PTPRT: variants seen among roughly 807,000 people sequenced by gnomAD.
PTPRT encodes receptor-type tyrosine-protein phosphatase T.
PTPRT carries 56 observed loss-of-function variants against 176.8 expected under a neutral mutation model. The ratio of observed to expected loss-of-function variants is 0.32; its 90% CI spans 0.26 to 0.40. PTPRT has a LOEUF of 0.40. Ranked by LOEUF, PTPRT falls within the 10% of genes least tolerant of loss-of-function variation. The probability of loss-of-function intolerance (pLI) is 1.00; values close to 1 mark genes in which losing one functional copy is unlikely to be tolerated. For synonymous variants in PTPRT, 783 were observed against 739.0 expected (o/e 1.06, Z -0.96); for missense variants, 1,540 against 1,908.2 (o/e 0.81, Z 3.60).
At chr20:42,872,500 T>A (rs185124530) in intron 2 of PTPRT, among the ~76,000 whole-genome samples, 2 of 152,352 alleles carry the variant, frequency 1.3e-5, no homozygotes. Flanking sequence ...CATATACTCA[T>A]GAAGACAAAT....
chr20:42,850,959 T>G (rs1421889184), intron 2 of PTPRT, among the ~76,000 whole-genome samples: 1 of 152,184 alleles, frequency 6.6e-6, no homozygotes, highest in Non-Finnish European at 1.5e-5. Flanking sequence ...TCTTCCATCT[T>G]TGGTCCTCAT....
rs1187310399 is a variant in PTPRT at position 42,446,617 on chromosome 20, TGTGTGA to T, written c.1560+1597_1560+1602del. On this transcript the variant is annotated intron_variant, in intron 9 of 30. Coordinates refer to ENST00000373187, the MANE Select transcript of PTPRT (RefSeq NM_007050.6). ...GTGTGTGTGTGTGTGTGTGTGTGTGTGTGTGAGAGAGAGAGAGAGATTGTGGTTTCT... is the reference window on the plus strand; with the variant it reads ...GTGTGTGTGTGTGTGTGTGTGTGTGTGAGAGAGAGAGAGATTGTGGTTTCT... Among the ~76,000 whole-genome samples, 740 of 147,072 alleles carry T rather than the reference TGTGTGA, an allele frequency of 5.0e-3. 6 individuals carry two copies. Among genetic ancestry groups the T allele is most frequent in the African/African-American group, 0.018 (702 of 38,806 alleles).
intron 17 of PTPRT, among the ~76,000 whole-genome samples, chr20:42,143,805 T>C (rs1274091722): frequency 6.6e-6 from 1 of 152,086 alleles, no homozygotes; most frequent in East Asian, 1.9e-4. Context: ...GGGAATGAAG[T>C]CAATATAGAG....
intron 7 of PTPRT, among the ~76,000 whole-genome samples, chr20:42,476,265 C>T (rs1205767893): frequency 6.6e-6 from 1 of 152,064 alleles, no homozygotes; most frequent in Non-Finnish European, 1.5e-5. Context: ...GCTGAGACTC[C>T]AGTGGAAGAG....
chr20:43,081,028 T>A (rs189550899), intron 1 of PTPRT, among the ~76,000 whole-genome samples: 1 of 152,380 alleles, frequency 6.6e-6, no homozygotes, highest in East Asian at 1.9e-4. Context: ...TTTAATACGA[T>A]GTTAGATTTA....
At chr20:42,916,762 T>C (rs1304118859) in intron 1 of PTPRT, among the ~76,000 whole-genome samples, 1 of 152,264 alleles carries the variant, frequency 6.6e-6, no homozygotes, top group East Asian at 1.9e-4. Context: ...ATAAATGTCT[T>C]CTTTTGAGAA....
At chr20:42,583,340 A>C (rs2145731134) in intron 7 of PTPRT, among the ~76,000 whole-genome samples, 1 of 152,292 alleles carries the variant, frequency 6.6e-6, no homozygotes, top group Admixed American at 6.5e-5. Flanking sequence ...CCTAAGCCTC[A>C]CTGTTCTTCA....
chr20:42,570,631 T>C (rs1391101822), intron 7 of PTPRT, among the ~76,000 whole-genome samples: 1 of 152,180 alleles, frequency 6.6e-6, no homozygotes, highest in Admixed American at 6.5e-5. Flanking sequence ...TATCTCTTGG[T>C]ACCTGAATTG....
At chr20:42,145,396 A>T (rs996119882) in intron 17 of PTPRT, among the ~76,000 whole-genome samples, 3 of 152,132 alleles carry the variant, frequency 2.0e-5, no homozygotes, top group African/African-American at 7.2e-5. Flanking sequence ...GCTACTCAGG[A>T]AGCTGAGGCA....
chr20:42,917,217 A>G (rs206677), intron 1 of PTPRT, among the ~76,000 whole-genome samples: 7,994 of 151,634 alleles, frequency 0.053, 632 homozygotes, highest in African/African-American at 0.16. Flanking sequence ...ATTAAATAGC[A>G]AATCCTTTCC....
chr20:42,336,642 C>A (rs1187737279), intron 11 of PTPRT, among the ~76,000 whole-genome samples: 1 of 151,856 alleles, frequency 6.6e-6, no homozygotes, highest in Non-Finnish European at 1.5e-5. Context: ...GGGATTTTTG[C>A]TATTTAAAGG....
At chr20:42,807,625 G>T (rs993235930) in intron 2 of PTPRT, among the ~76,000 whole-genome samples, 11 of 152,072 alleles carry the variant, frequency 7.2e-5, no homozygotes, top group Non-Finnish European at 1.3e-4. Context: ...GACCAAAATT[G>T]ATATACTACG....
At chr20:43,122,556 T>C in intron 1 of PTPRT, among the ~76,000 whole-genome samples, 1 of 152,318 alleles carries the variant, frequency 6.6e-6, no homozygotes, top group East Asian at 1.9e-4. Context: ...AGATCCCTTA[T>C]GTATGGTTTA....
At chr20:42,886,586 C>T (rs1198314186) in intron 1 of PTPRT, among the ~76,000 whole-genome samples, 1 of 152,218 alleles carries the variant, frequency 6.6e-6, no homozygotes, top group Non-Finnish European at 1.5e-5. Flanking sequence ...ATTAGACAAT[C>T]ATGCACCTGG....
intron 1 of PTPRT, among the ~76,000 whole-genome samples, chr20:43,084,094 G>A (rs567263294): frequency 1.2e-4 from 18 of 152,284 alleles, no homozygotes; most frequent in South Asian, 4.1e-4. Context: ...TCCTGTGGAC[G>A]TAGGTTTTCA....
chr20:42,379,265 G>A (rs922520224), intron 9 of PTPRT, among the ~76,000 whole-genome samples: 1 of 152,152 alleles, frequency 6.6e-6, no homozygotes, highest in Non-Finnish European at 1.5e-5. Flanking sequence ...CTCAAGTCCC[G>A]GGTCAAGCCC....
intron 7 of PTPRT, among the ~76,000 whole-genome samples, chr20:42,634,057 A>T (rs191711939): frequency 1.7e-3 from 52 of 30,566 alleles, no homozygotes; most frequent in South Asian, 2.7e-3. Context: ...ATATATTATA[A>T]ATATATAATA....
At chr20:42,778,744 T>A (rs552014105) in intron 4 of PTPRT, among the ~76,000 whole-genome samples, 1 of 152,324 alleles carries the variant, frequency 6.6e-6, no homozygotes, top group Non-Finnish European at 1.5e-5. Flanking sequence ...GGGGAATATT[T>A]CACCCTAGTG....
At chr20:42,968,309 G>T (rs1334304644) in intron 1 of PTPRT, among the ~76,000 whole-genome samples, 2 of 152,162 alleles carry the variant, frequency 1.3e-5, no homozygotes, top group South Asian at 2.1e-4. Flanking sequence ...TTCTCCATTA[G>T]CCTATGATCT....
Sources: allele counts gnomAD v4.1 joint callset (sites outside exome capture counted in the v4.1 genomes callset), GRCh38; gene constraint gnomAD v4.1.1; transcripts MANE v1.5; gene names NCBI Gene and HGNC (gene_info 2026-07-23, HGNC 2026-07-21).